Variants in PPM1E observed in about 807,000 individuals in gnomAD.
PPM1E encodes protein phosphatase, Mg2+/Mn2+ dependent 1E, also known as protein phosphatase 1E.
Under a neutral mutation model 65.9 loss-of-function variants are expected in PPM1E, and 20 were observed. That is an observed-to-expected ratio of 0.30 (90% confidence interval 0.21 to 0.44). The LOEUF (loss-of-function observed/expected upper bound fraction) is 0.44. Among genes scored for constraint, PPM1E ranks in the 20% least tolerant of loss-of-function variants. The probability of loss-of-function intolerance (pLI) is 1.00; values close to 1 mark genes in which losing one functional copy is unlikely to be tolerated. For synonymous variants in PPM1E, 352 were observed against 374.9 expected (o/e 0.94, Z 0.70); for missense variants, 713 against 953.1 (o/e 0.75, Z 3.32).
At chr17:58,871,933 T>TTCATTTCC (rs1219485157) in intron 1 of PPM1E, among the ~76,000 whole-genome samples, 1 of 152,226 alleles carries the variant, frequency 6.6e-6, no homozygotes, top group Non-Finnish European at 1.5e-5. Flanking sequence ...GTCACAAAGA[T>TTCATTTCC]TCATTTCCTC....
intron 1 of PPM1E, among the ~76,000 whole-genome samples, chr17:58,817,944 T>G (rs2050443081): frequency 6.6e-6 from 1 of 152,004 alleles, no homozygotes; most frequent in Non-Finnish European, 1.5e-5. Flanking sequence ...GTAGAGACGG[T>G]GTTTCACCGT....
At chr17:58,926,155 A>G (rs755844056) in intron 1 of PPM1E, among the ~76,000 whole-genome samples, 3 of 152,080 alleles carry the variant, frequency 2.0e-5, no homozygotes, top group Non-Finnish European at 4.4e-5. Flanking sequence ...AGCCTGGCCA[A>G]CGTGGTGAAA....
intron 1 of PPM1E, among the ~76,000 whole-genome samples, chr17:58,919,077 A>G (rs1386146381): frequency 1.3e-5 from 2 of 152,150 alleles, no homozygotes; most frequent in African/African-American, 2.4e-5. Context: ...CAGAGTTGTA[A>G]TTTTCCCAGT....
chr17:58,769,390 T>A (rs2049914180), intron 1 of PPM1E, among the ~76,000 whole-genome samples: 1 of 152,022 alleles, frequency 6.6e-6, no homozygotes, highest in Non-Finnish European at 1.5e-5. Flanking sequence ...AGCTCCCAAG[T>A]TTGAGACCAA....
At chr17:58,777,129 G>A (rs1338871192) in intron 1 of PPM1E, among the ~76,000 whole-genome samples, 2 of 152,088 alleles carry the variant, frequency 1.3e-5, no homozygotes, top group East Asian at 3.9e-4. Context: ...GGCAGGCTGA[G>A]GAAGGAGGAT....
At chr17:58,910,779 A>G (rs2051618164) in intron 1 of PPM1E, among the ~76,000 whole-genome samples, 1 of 152,066 alleles carries the variant, frequency 6.6e-6, no homozygotes, top group African/African-American at 2.4e-5. Context: ...TGAGCTGGAG[A>G]TGGGTATTGC....
At chr17:58,819,591 C>T (rs991062781) in intron 1 of PPM1E, among the ~76,000 whole-genome samples, 8 of 152,138 alleles carry the variant, frequency 5.3e-5, no homozygotes, top group South Asian at 4.1e-4. Flanking sequence ...AATTGGCTTA[C>T]GGTTCTGTAG....
At chr17:58,944,833 C>T (rs1240366841) in intron 1 of PPM1E, among the ~76,000 whole-genome samples, 2 of 152,050 alleles carry the variant, frequency 1.3e-5, no homozygotes, top group African/African-American at 4.8e-5. Flanking sequence ...GTTTTTATTT[C>T]TCATGCATGT....
chr17:58,776,048 A>T (rs989787935), intron 1 of PPM1E, among the ~76,000 whole-genome samples: 8 of 151,980 alleles, frequency 5.3e-5, no homozygotes, highest in African/African-American at 1.9e-4. Flanking sequence ...AATAAATAAA[A>T]AATAAAGGCC....
At chr17:58,865,692 C>T in intron 1 of PPM1E, among the ~76,000 whole-genome samples, 1 of 152,278 alleles carries the variant, frequency 6.6e-6, no homozygotes, top group South Asian at 2.1e-4. Flanking sequence ...CAGAAGGAGA[C>T]CCTGTCTCAA....
chr17:58,772,628 A>G (rs895605883), intron 1 of PPM1E, among the ~76,000 whole-genome samples: 6 of 152,136 alleles, frequency 3.9e-5, no homozygotes, highest in Non-Finnish European at 8.8e-5. Flanking sequence ...AGACATTACC[A>G]TGTGCAAAGG....
intron 1 of PPM1E, among the ~76,000 whole-genome samples, chr17:58,884,948 A>G (rs2051248441): frequency 6.6e-6 from 1 of 151,966 alleles, no homozygotes; most frequent in South Asian, 2.1e-4. Context: ...ATCTCCTTAG[A>G]TTTATCCTTG....
chr17:58,880,712 A>G (rs999862215), intron 1 of PPM1E, among the ~76,000 whole-genome samples: 11 of 152,038 alleles, frequency 7.2e-5, no homozygotes, highest in African/African-American at 2.7e-4. Context: ...CAGCCTCGAC[A>G]TCCAGGGCTA....
chr17:58,783,974 G>A (rs931301695), intron 1 of PPM1E, among the ~76,000 whole-genome samples: 12 of 151,686 alleles, frequency 7.9e-5, no homozygotes, highest in Admixed American at 7.9e-4. Context: ...GCCTCCCAAA[G>A]TGTTGGGATT....
chr17:58,856,381 G>A (rs2050882789), intron 1 of PPM1E, among the ~76,000 whole-genome samples: 1 of 152,134 alleles, frequency 6.6e-6, no homozygotes. Flanking sequence ...TGGGATTACA[G>A]GCCTGCGCCA....
chr17:58,824,133 A>C (rs888745492), intron 1 of PPM1E, among the ~76,000 whole-genome samples: 2 of 152,204 alleles, frequency 1.3e-5, no homozygotes, highest in African/African-American at 4.8e-5. Context: ...AAAGGGTTGG[A>C]GAAAGGGTTT....
intron 1 of PPM1E, among the ~76,000 whole-genome samples, chr17:58,804,979 T>G (rs2050291635): frequency 6.6e-6 from 1 of 152,136 alleles, no homozygotes; most frequent in Non-Finnish European, 1.5e-5. Context: ...TCTAACAGTA[T>G]TTTTGTACCC....
intron 1 of PPM1E, among the ~76,000 whole-genome samples, chr17:58,833,479 A>G (rs555987061): frequency 6.6e-6 from 1 of 151,786 alleles, no homozygotes; most frequent in East Asian, 1.9e-4. Flanking sequence ...AACATGTGGT[A>G]TTTGGCTTTC....
chr17:58,950,695 G>A (rs948691895), intron 1 of PPM1E, among the ~76,000 whole-genome samples: 3 of 148,856 alleles, frequency 2.0e-5, no homozygotes, highest in Non-Finnish European at 4.5e-5. Flanking sequence ...TCTTCTGTTT[G>A]GTCTAGTCTG....
Sources: gnomAD v4.1 joint callset for allele counts (sites outside exome capture counted in the v4.1 genomes callset) on GRCh38, gnomAD v4.1.1 for gene constraint, MANE v1.5 for transcripts, NCBI Gene and HGNC (gene_info 2026-07-23, HGNC 2026-07-21) for gene names.